MAGI2: variants seen among roughly 807,000 people sequenced by gnomAD.
MAGI2 encodes the protein membrane associated guanylate kinase, WW and PDZ domain containing 2.
MAGI2 carries 35 observed loss-of-function variants against 133.3 expected under a neutral mutation model. The observed-to-expected ratio is 0.26, with a 90% CI of 0.20 to 0.35. MAGI2 has a LOEUF of 0.35. MAGI2 is among the 10% of genes least tolerant of loss of function. The pLI is 1.00. For missense variants in MAGI2, 1,636 were observed against 1,863.4 expected, an observed-to-expected ratio of 0.88 and a Z score of 2.25; for synonymous variants, 729 against 710.6, an observed-to-expected ratio of 1.03 and a Z score of -0.41.
chr7:78,894,546 A>G (rs1797052396), intron 2 of MAGI2, among the ~76,000 whole-genome samples: 1 of 152,242 alleles, frequency 6.6e-6, no homozygotes, highest in Non-Finnish European at 1.5e-5. Context: ...GTCAAAGTTT[A>G]TAAGAATGAT....
At chr7:78,607,380 G>A (rs996579685) in intron 3 of MAGI2, among the ~76,000 whole-genome samples, 4 of 151,900 alleles carry the variant, frequency 2.6e-5, no homozygotes, top group Admixed American at 1.3e-4. Flanking sequence ...TCTAGTGGTA[G>A]GGTCCAGTTT....
At chr7:78,058,692 T>G (rs938871415) in intron 21 of MAGI2, among the ~76,000 whole-genome samples, 1 of 152,048 alleles carries the variant, frequency 6.6e-6, no homozygotes, top group East Asian at 1.9e-4. Flanking sequence ...CCTGGCCACG[T>G]GTTTTTTTAT....
intron 16 of MAGI2, among the ~76,000 whole-genome samples, chr7:78,139,555 C>T (rs932300459): frequency 2.6e-5 from 4 of 152,200 alleles, no homozygotes; most frequent in African/African-American, 7.2e-5. Flanking sequence ...CTCATTAATT[C>T]CCTGAGAACT....
At chr7:78,450,710 C>T (rs1788636772) in intron 6 of MAGI2, among the ~76,000 whole-genome samples, 1 of 151,992 alleles carries the variant, frequency 6.6e-6, no homozygotes, top group Admixed American at 6.6e-5. Context: ...AATACAGTCT[C>T]AGAATTGGAA....
chr7:78,414,927 T>A (rs542677065), intron 6 of MAGI2, among the ~76,000 whole-genome samples: 4 of 152,084 alleles, frequency 2.6e-5, no homozygotes, highest in Admixed American at 6.6e-5. Context: ...TTTCAGACAT[T>A]TAAATAATGA....
intron 9 of MAGI2, among the ~76,000 whole-genome samples, chr7:78,333,285 G>T (rs1357204222): frequency 6.6e-6 from 1 of 152,182 alleles, no homozygotes; most frequent in Non-Finnish European, 1.5e-5. Context: ...CAGAAAGATT[G>T]TGAGAAGGCA....
At chr7:78,653,410 T>C (rs1401143895) in intron 2 of MAGI2, among the ~76,000 whole-genome samples, 6 of 152,166 alleles carry the variant, frequency 3.9e-5, no homozygotes, top group African/African-American at 1.4e-4. Context: ...GTAGACTGGA[T>C]AAAGAAAATG....
intron 1 of MAGI2, among the ~76,000 whole-genome samples, chr7:79,246,342 G>A (rs1226518385): frequency 6.6e-6 from 1 of 152,180 alleles, no homozygotes; most frequent in Non-Finnish European, 1.5e-5. Context: ...GCTGAGAGAT[G>A]TGGTCTCTCA....
chr7:78,654,211 G>A (rs919121461), intron 2 of MAGI2, among the ~76,000 whole-genome samples: 1 of 152,170 alleles, frequency 6.6e-6, no homozygotes, highest in African/African-American at 2.4e-5. Context: ...AGCTGGGCAA[G>A]CTTGGACAAA....
At chr7:78,840,709 G>A (rs1418622429) in intron 2 of MAGI2, among the ~76,000 whole-genome samples, 1 of 151,980 alleles carries the variant, frequency 6.6e-6, no homozygotes, top group Non-Finnish European at 1.5e-5. Flanking sequence ...TCAAAGAGCT[G>A]AGGCTTGTCA....
intron 2 of MAGI2, among the ~76,000 whole-genome samples, chr7:78,790,671 T>G (rs922290316): frequency 1.5e-4 from 23 of 152,258 alleles, no homozygotes; most frequent in Admixed American, 1.2e-3. Flanking sequence ...TGACCTCAGG[T>G]GATCCACCTG....
chr7:79,085,942 T>C (rs566866531), intron 1 of MAGI2, among the ~76,000 whole-genome samples: 13 of 152,066 alleles, frequency 8.5e-5, no homozygotes, highest in Middle Eastern at 3.4e-3. Context: ...GCCTAAGGTG[T>C]AGCAAGAGAT....
intron 1 of MAGI2, among the ~76,000 whole-genome samples, chr7:79,173,810 G>A (rs983051): frequency 0.13 from 19,739 of 151,900 alleles, 2,535 homozygotes; most frequent in African/African-American, 0.32. Context: ...ATAGTACTTA[G>A]AAATCAATAC....
At chr7:78,670,902 T>C (rs971602980) in intron 2 of MAGI2, among the ~76,000 whole-genome samples, 1 of 152,258 alleles carries the variant, frequency 6.6e-6, no homozygotes, top group Admixed American at 6.5e-5. Context: ...CTTAGAACAA[T>C]GGGATTCCAA....
intron 6 of MAGI2, among the ~76,000 whole-genome samples, chr7:78,414,635 C>T (rs112306378): frequency 0.023 from 3,559 of 152,018 alleles, 62 homozygotes; most frequent in Non-Finnish European, 0.034. Context: ...CATACATGAG[C>T]GTGCACATGT....
At chr7:78,628,314 T>A (rs1260402942) in intron 2 of MAGI2, among the ~76,000 whole-genome samples, 7 of 150,778 alleles carry the variant, frequency 4.6e-5, no homozygotes, top group Non-Finnish European at 3.0e-5. Flanking sequence ...GCCAGATATA[T>A]AAGGTAGTAC....
intron 9 of MAGI2, among the ~76,000 whole-genome samples, chr7:78,340,790 A>G (rs1406073591): frequency 6.6e-6 from 1 of 152,204 alleles, no homozygotes; most frequent in Non-Finnish European, 1.5e-5. Flanking sequence ...TAAACTAGGT[A>G]TTGATGGAAC....
At chr7:79,308,257 CG>C (rs1166643200) in intron 1 of MAGI2, among the ~76,000 whole-genome samples, 1 of 152,130 alleles carries the variant, frequency 6.6e-6, no homozygotes. Context: ...TGCCAACACA[CG>C]TAGCTCAATA....
At chr7:78,830,767 AG>A (rs1417426325) in intron 2 of MAGI2, among the ~76,000 whole-genome samples, 1 of 152,178 alleles carries the variant, frequency 6.6e-6, no homozygotes, top group Non-Finnish European at 1.5e-5. Context: ...AGCTCAGAAA[AG>A]GGATAAAGAG....
Sources: gnomAD v4.1 joint callset for allele counts (sites outside exome capture counted in the v4.1 genomes callset) on GRCh38, gnomAD v4.1.1 for gene constraint, MANE v1.5 for transcripts, NCBI Gene and HGNC (gene_info 2026-07-23, HGNC 2026-07-21) for gene names.